Variants in ARHGAP6 observed in about 807,000 individuals in gnomAD.
ARHGAP6 encodes Rho GTPase activating protein 6, also known as rho GTPase-activating protein 6.
A neutral mutation model predicts 55.7 loss-of-function variants in ARHGAP6; 16 were observed. The observed-to-expected ratio is 0.29, with a 90% CI of 0.19 to 0.44. The LOEUF is 0.44. Among genes scored for constraint, ARHGAP6 ranks in the 20% least tolerant of loss-of-function variants. ARHGAP6 has a pLI of 1.00. For synonymous variants in ARHGAP6, 382 were observed against 360.9 expected (o/e 1.06, Z -0.66); for missense variants, 698 against 808.9 (o/e 0.86, Z 1.66).
At chrX:11,468,662 C>T in intron 1 of ARHGAP6, among the ~76,000 whole-genome samples, 1 of 112,585 alleles carries the variant, frequency 8.9e-6, no homozygotes, top group Middle Eastern at 4.6e-3. Context: ...TCTGAAATGA[C>T]TTCTAGAAAA....
At chrX:11,214,283 A>G (rs958685817) in intron 2 of ARHGAP6, among the ~76,000 whole-genome samples, 4 of 108,864 alleles carry the variant, frequency 3.7e-5, no homozygotes, top group Admixed American at 9.7e-5. Flanking sequence ...ACACACACAC[A>G]CGTGTGTGTG....
intron 8 of ARHGAP6, among the ~76,000 whole-genome samples, chrX:11,177,602 G>A (rs1224795198): frequency 9.0e-6 from 1 of 111,536 alleles, no homozygotes; most frequent in Non-Finnish European, 1.9e-5. Flanking sequence ...GTTTAAGAAA[G>A]GAAAGGATCC....
intron 8 of ARHGAP6, among the ~76,000 whole-genome samples, chrX:11,177,385 C>A (rs762990914): frequency 9.4e-6 from 1 of 106,441 alleles, no homozygotes; most frequent in Non-Finnish European, 1.9e-5. Flanking sequence ...GGGGGGCACA[C>A]TGGGGCCTGA....
intron 1 of ARHGAP6, among the ~76,000 whole-genome samples, chrX:11,639,467 G>T (rs1015319333): frequency 9.1e-6 from 1 of 110,359 alleles, no homozygotes; most frequent in Non-Finnish European, 1.9e-5. Flanking sequence ...GCAGTGTTTG[G>T]TTTTCTGTCC....
At chrX:11,171,224 A>C (rs1477252560) in intron 8 of ARHGAP6, among the ~76,000 whole-genome samples, 1 of 111,315 alleles carries the variant, frequency 9.0e-6, no homozygotes, top group Non-Finnish European at 1.9e-5. Flanking sequence ...CAAAAGAAAA[A>C]AAAATGCCCA....
intron 2 of ARHGAP6, among the ~76,000 whole-genome samples, chrX:11,230,660 T>A (rs748042700): frequency 2.1e-4 from 23 of 109,643 alleles, no homozygotes; most frequent in African/African-American, 7.6e-4. Flanking sequence ...TGTATATACG[T>A]ATATATGTGT....
At chrX:11,512,037 A>G (rs2050790254) in intron 1 of ARHGAP6, among the ~76,000 whole-genome samples, 1 of 110,976 alleles carries the variant, frequency 9.0e-6, no homozygotes, top group Non-Finnish European at 1.9e-5. Flanking sequence ...CGTGTTAGCC[A>G]GGATGGTCTT....
intron 1 of ARHGAP6, among the ~76,000 whole-genome samples, chrX:11,260,851 TG>T (rs1466872283): frequency 1.8e-5 from 2 of 111,990 alleles, no homozygotes; most frequent in Non-Finnish European, 1.9e-5. Flanking sequence ...ATTAGGGTCA[TG>T]TAGTGCCCTA....
intron 1 of ARHGAP6, among the ~76,000 whole-genome samples, chrX:11,611,203 T>C (rs1434051469): frequency 1.8e-5 from 2 of 112,368 alleles, no homozygotes; most frequent in Non-Finnish European, 3.8e-5. Flanking sequence ...ATATAATCCA[T>C]CTTAGCATAA....
chrX:11,236,747 G>A (rs959630919), intron 2 of ARHGAP6, among the ~76,000 whole-genome samples: 5 of 112,220 alleles, frequency 4.5e-5, no homozygotes, highest in Non-Finnish European at 9.4e-5. Context: ...GAGAATTAAC[G>A]CAAATTCTCT....
intron 1 of ARHGAP6, among the ~76,000 whole-genome samples, chrX:11,337,054 C>T (rs1296111102): frequency 9.0e-6 from 1 of 110,780 alleles, no homozygotes; most frequent in Non-Finnish European, 1.9e-5. Flanking sequence ...CACCTGTCCC[C>T]AGGCTCTTTA....
intron 1 of ARHGAP6, among the ~76,000 whole-genome samples, chrX:11,283,780 T>A (rs1006088926): frequency 9.0e-6 from 1 of 111,111 alleles, no homozygotes; most frequent in Non-Finnish European, 1.9e-5. Flanking sequence ...GTGGGCAGCC[T>A]CTAGAAAATG....
intron 1 of ARHGAP6, among the ~76,000 whole-genome samples, chrX:11,517,769 T>A (rs964844125): frequency 9.1e-6 from 1 of 109,851 alleles, no homozygotes; most frequent in Non-Finnish European, 1.9e-5. Flanking sequence ...AGCTGAACAA[T>A]GAGAACACGT....
intron 2 of ARHGAP6, among the ~76,000 whole-genome samples, chrX:11,212,206 G>A (rs2046813709): frequency 8.9e-6 from 1 of 111,931 alleles, no homozygotes; most frequent in Non-Finnish European, 1.9e-5. Context: ...GGTGCCTTTT[G>A]GGAGTAATGT....
chrX:11,354,327 C>CTA lies in ARHGAP6; in HGVS notation c.589-99622_589-99621dup, dbSNP rs1174449401. 7.5e-3 allele frequency among the ~76,000 whole-genome samples: 244 copies of CTA among 32,329 alleles called. 5 individuals are homozygous for CTA. Among genetic ancestry groups the CTA allele is most frequent in the African/African-American group, 0.016 (121 of 7,474 alleles). 28.1% of individuals were successfully genotyped at this position (32,329 alleles called of 115,157 possible). On this transcript the variant is annotated intron_variant, in intron 1 of 12. Transcript: ENST00000337414. ...TCTCTCTCTCTCTCTCTCTCTCTCT[C>CTA]TATATATATATATATATATATATAT...
intron 1 of ARHGAP6, among the ~76,000 whole-genome samples, chrX:11,435,889 A>T (rs936453398): frequency 8.9e-6 from 1 of 112,062 alleles, no homozygotes; most frequent in Non-Finnish European, 1.9e-5. Flanking sequence ...AACTTGCTAC[A>T]TTTTCCTGTG....
At chrX:11,564,599 G>C (rs1275586876) in intron 1 of ARHGAP6, among the ~76,000 whole-genome samples, 1 of 111,078 alleles carries the variant, frequency 9.0e-6, no homozygotes, top group Non-Finnish European at 1.9e-5. Flanking sequence ...AATATAAAAA[G>C]ACTATTTCAC....
chrX:11,365,436 T>C (rs12847252), intron 1 of ARHGAP6, among the ~76,000 whole-genome samples: 1 of 112,446 alleles, frequency 8.9e-6, no homozygotes. Context: ...CATTTCTCCC[T>C]CTTGGTTTGT....
At chrX:11,427,558 A>G in intron 1 of ARHGAP6, 1 of 917,672 alleles carries the variant, frequency 1.1e-6, no homozygotes. Flanking sequence ...CGCGTAGTGC[A>G]GCTGGGGCTT....
Sources: allele counts gnomAD v4.1 joint callset (sites outside exome capture counted in the v4.1 genomes callset), GRCh38; gene constraint gnomAD v4.1.1; transcripts MANE v1.5; gene names NCBI Gene and HGNC (gene_info 2026-07-23, HGNC 2026-07-21).